TRDN: variants seen among roughly 807,000 people sequenced by gnomAD.
TRDN encodes triadin.
Under a neutral mutation model 149.7 loss-of-function variants are expected in TRDN, and 161 were observed. That is an observed-to-expected ratio of 1.08 (90% confidence interval 0.95 to 1.23). The LOEUF (loss-of-function observed/expected upper bound fraction) is 1.23, where lower values mean the gene tolerates loss of function less well. Ranked by LOEUF, TRDN falls within the 50% of genes most tolerant of loss-of-function variation. The probability of loss-of-function intolerance (pLI) is 0.00; values close to 1 mark genes in which losing one functional copy is unlikely to be tolerated. For synonymous variants in TRDN, 294 were observed against 250.5 expected, an observed-to-expected ratio of 1.17 and a Z score of -1.64; for missense variants, 896 against 823.5, an observed-to-expected ratio of 1.09 and a Z score of -1.08.
intron 38 of TRDN, among the ~76,000 whole-genome samples, chr6:123,226,818 A>G (rs1775389603): frequency 6.6e-6 from 1 of 151,868 alleles, no homozygotes; most frequent in Admixed American, 6.6e-5. Context: ...ATGGCAGTGA[A>G]AGGAGTGTCA....
chr6:123,332,497 A>T (rs1231053519), intron 22 of TRDN, among the ~76,000 whole-genome samples: 1 of 152,098 alleles, frequency 6.6e-6, no homozygotes, highest in Non-Finnish European at 1.5e-5. Context: ...AAGTAACTCA[A>T]ATAAAACTTT....
intron 12 of TRDN, among the ~76,000 whole-genome samples, chr6:123,395,678 G>C (rs968321961): frequency 6.6e-6 from 1 of 152,180 alleles, no homozygotes; most frequent in South Asian, 2.1e-4. Context: ...ACTGTTTCCA[G>C]GTAAAAGTGT....
At chr6:123,445,003 A>C (rs375600227) in intron 10 of TRDN, 2 of 152,068 alleles carry the variant, frequency 1.3e-5, no homozygotes, top group African/African-American at 4.8e-5. Flanking sequence ...TGTCTCTGCC[A>C]GGCTTTGGTA....
intron 1 of TRDN, among the ~76,000 whole-genome samples, chr6:123,622,668 C>T (rs1265579066): frequency 1.3e-5 from 2 of 152,084 alleles, no homozygotes; most frequent in Non-Finnish European, 2.9e-5. Context: ...AGCGGGACAG[C>T]ATTATTCAGT....
At position 123,310,027 on chromosome 6, in the gene TRDN, C is replaced by T. The variant is rs1171273748; in HGVS notation, c.1510+6430G>A. 2.6e-5 allele frequency among the ~76,000 whole-genome samples: 4 copies of T among 152,106 alleles called. No homozygotes were observed. The South Asian group carries it at 8.3e-4, about 32-fold the overall frequency. On this transcript the variant is annotated intron_variant, in intron 24 of 40. Transcript: ENST00000334268. Reference sequence around the variant, plus strand: ...TGGTACTACTGTAGTGATTTTGTAGCCTCTCTTGCTACTATTGTGATGAAC... The same window carrying T: ...TGGTACTACTGTAGTGATTTTGTAGTCTCTCTTGCTACTATTGTGATGAAC...
chr6:123,406,695 TTAAAA>T (rs1773205698), intron 12 of TRDN, among the ~76,000 whole-genome samples: 1 of 152,128 alleles, frequency 6.6e-6, no homozygotes, highest in Non-Finnish European at 1.5e-5. Context: ...GTCTCTGCCT[TTAAAA>T]TAAAATAACA....
intron 4 of TRDN, among the ~76,000 whole-genome samples, chr6:123,535,445 A>C (rs923047137): frequency 1.3e-5 from 2 of 152,134 alleles, no homozygotes; most frequent in African/African-American, 4.8e-5. Context: ...AGTGAAGATA[A>C]GGGAGGAAAA....
At chr6:123,316,073 A>G (rs1470184855) in intron 24 of TRDN, among the ~76,000 whole-genome samples, 4 of 151,890 alleles carry the variant, frequency 2.6e-5, no homozygotes, top group Non-Finnish European at 2.9e-5. Context: ...CATAAAACTC[A>G]ATCCATGATA....
chr6:123,283,841 G>T (rs962463537), intron 24 of TRDN, among the ~76,000 whole-genome samples: 2 of 148,876 alleles, frequency 1.3e-5, no homozygotes, highest in Non-Finnish European at 3.0e-5. Flanking sequence ...CCAGGAATTG[G>T]GTGGATATAC....
At position 123,555,532 on chromosome 6, in the gene TRDN, A is replaced by T. The variant is rs573631464; in HGVS notation, c.233-6920T>A. On this transcript the variant is annotated intron_variant, in intron 2 of 40. Transcript: ENST00000334268. ...CATATTTTCTTATTATTTTTTCTTG[A>T]AAAATGCAGGAAGGATGGCTATATT... 3.9e-5 allele frequency among the ~76,000 whole-genome samples: 6 copies of T among 152,188 alleles called. No homozygotes were observed. The South Asian group carries it at 1.2e-3, about 32-fold the overall frequency.
intron 31 of TRDN, among the ~76,000 whole-genome samples, chr6:123,268,349 G>GA (rs775436362): frequency 6.3e-4 from 95 of 151,364 alleles, no homozygotes; most frequent in South Asian, 2.1e-3. Flanking sequence ...ATGACAAAAA[G>GA]AAATAAAAAT....
chr6:123,385,699 AT>A (rs1781885441), intron 14 of TRDN, among the ~76,000 whole-genome samples: 1 of 152,204 alleles, frequency 6.6e-6, no homozygotes, highest in Non-Finnish European at 1.5e-5. Context: ...ATAGTAAAAA[AT>A]AAATCTCATA....
chr6:123,439,127 A>AT, intron 10 of TRDN, 124 bp from the exon 11 acceptor site: 2 of 660,172 alleles, frequency 3.0e-6, no homozygotes, highest in Non-Finnish European at 2.6e-6. Context: ...TGAGCAAGTA[A>AT]TTTAATCCCA....
At chr6:123,441,697 T>C (rs1774898832) in intron 10 of TRDN, among the ~76,000 whole-genome samples, 1 of 152,220 alleles carries the variant, frequency 6.6e-6, no homozygotes. Context: ...TTTTAAATGT[T>C]TTTTATGCCA....
intron 12 of TRDN, among the ~76,000 whole-genome samples, chr6:123,427,475 A>G (rs1774170948): frequency 6.6e-6 from 1 of 152,084 alleles, no homozygotes; most frequent in South Asian, 2.1e-4. Context: ...CCTTCTTCTT[A>G]CAGGATTACC....
At chr6:123,447,314 T>C (rs1775444631) in intron 10 of TRDN, among the ~76,000 whole-genome samples, 1 of 152,214 alleles carries the variant, frequency 6.6e-6, no homozygotes, top group South Asian at 2.1e-4. Context: ...TTGCCTGTGT[T>C]TGGAGTTTTA....
intron 1 of TRDN, among the ~76,000 whole-genome samples, chr6:123,630,314 A>G (rs1785922307): frequency 6.6e-6 from 1 of 152,052 alleles, no homozygotes. Flanking sequence ...TATAAAACCA[A>G]AAGCTTTACT....
At chr6:123,497,541 A>C (rs1778500802) in intron 8 of TRDN, among the ~76,000 whole-genome samples, 1 of 152,172 alleles carries the variant, frequency 6.6e-6, no homozygotes, top group Non-Finnish European at 1.5e-5. Flanking sequence ...ATTTTGTCAA[A>C]TAATTGATTA....
chr6:123,344,782 T>C (rs906508565), intron 21 of TRDN, among the ~76,000 whole-genome samples: 1 of 152,018 alleles, frequency 6.6e-6, no homozygotes, highest in African/African-American at 2.4e-5. Context: ...TCAGCTTATT[T>C]GGATAAATAC....
Sources: allele counts gnomAD v4.1 joint callset (sites outside exome capture counted in the v4.1 genomes callset), GRCh38; gene constraint gnomAD v4.1.1; transcripts MANE v1.5; gene names NCBI Gene and HGNC (gene_info 2026-07-23, HGNC 2026-07-21).